Variants in THADA observed in about 807,000 individuals in gnomAD.
The protein encoded by THADA is THADA armadillo repeat containing.
In THADA, 213 loss-of-function variants were observed where a neutral mutation model predicts 219.8. The observed-to-expected ratio is 0.97, with a 90% confidence interval of 0.87 to 1.09. The LOEUF is 1.09. THADA is among the 50% of genes least tolerant of loss of function. The pLI, the probability that THADA is intolerant of heterozygous loss-of-function variation, is 0.00. For synonymous variants in THADA, 1,018 were observed against 828.9 expected (o/e 1.23, Z -3.92); for missense variants, 2,956 against 2,311.3 (o/e 1.28, Z -5.72).
chr2:43,386,897 C>CAAAAAAA (rs548365391), intron 29 of THADA, among the ~76,000 whole-genome samples: 41 of 97,240 alleles, frequency 4.2e-4, no homozygotes, highest in Non-Finnish European at 4.6e-4. Flanking sequence ...GATTTCCTCT[C>CAAAAAAA]AAAAAAAAAA....
At chr2:43,276,906 A>AAGTC (rs1314955629) in intron 36 of THADA, among the ~76,000 whole-genome samples, 1 of 151,944 alleles carries the variant, frequency 6.6e-6, no homozygotes, top group Non-Finnish European at 1.5e-5. Context: ...TGAAACTCTG[A>AAGTC]AGTCACCTCA....
intron 26 of THADA, among the ~76,000 whole-genome samples, chr2:43,480,803 G>A (rs1021538665): frequency 2.7e-5 from 4 of 149,782 alleles, no homozygotes; most frequent in African/African-American, 7.4e-5. Flanking sequence ...AGGCAACAGT[G>A]CGAGACTCTG....
At position 43,530,090 on chromosome 2, in the gene THADA, G is replaced by C. The variant is rs1693672708; in HGVS notation, c.3265-2102C>G. The stretch of plus-strand genomic sequence containing the variant: ...AAAGATATAATAAGTGATACACATG[G>C]AGAAACAAGAATCAGATAGGAGACT... On this transcript the variant is annotated intron_variant, in intron 21 of 37. Coordinates refer to ENST00000405975, the MANE Select transcript of THADA (RefSeq NM_022065.5). 1.3e-5 allele frequency among the ~76,000 whole-genome samples: 2 copies of C among 152,024 alleles called. 1 individual carries two copies. The highest frequency in any genetic ancestry group is 4.1e-4 in the South Asian group (2 of 4,820).
chr2:43,296,182 T>C (rs985838789), intron 31 of THADA, among the ~76,000 whole-genome samples: 6 of 151,974 alleles, frequency 3.9e-5, no homozygotes, highest in Non-Finnish European at 8.8e-5. Flanking sequence ...CCTCCCAAAG[T>C]GCTGGGATTA....
chr2:43,427,025 G>A lies in THADA; in HGVS notation c.4058+1075C>T, dbSNP rs376215130. Among the ~76,000 whole-genome samples, 18 of 152,176 alleles carry A rather than the reference G, an allele frequency of 1.2e-4. No homozygotes were observed. In the South Asian group the frequency reaches 2.1e-3, roughly 18 times the overall value. ...CCTGAAAAGATGTAACACAAGAAGT[G>A]GTAATAGGCTCTAAAAGAAGAGAAC... On this transcript the variant is annotated intron_variant, in intron 28 of 37. Transcript: ENST00000405975.
rs145341352 is a variant in THADA, at chr2:43,465,463, A to G, written c.3836+19771T>C. Among the ~76,000 whole-genome samples the G allele has an allele frequency of 5.3e-3, 805 of 152,302 alleles. 6 individuals carry two copies. The highest frequency in any genetic ancestry group is 0.018 in the African/African-American group (755 of 41,560). ...GCGTGGGTTAAGTGCCTCCTTCTAC[A>G]ACTACCCAGATTCTTGGGAGGAAGA... On this transcript the variant is annotated intron_variant, in intron 26 of 37. Coordinates refer to ENST00000405975, the MANE Select transcript of THADA (RefSeq NM_022065.5).
At chr2:43,491,793 A>T (rs1159946350) in intron 25 of THADA, among the ~76,000 whole-genome samples, 1 of 152,192 alleles carries the variant, frequency 6.6e-6, no homozygotes, top group African/African-American at 2.4e-5. Flanking sequence ...TCCTGTCATT[A>T]AGTAATGCAT....
At chr2:43,486,287 C>A (rs1686911331) in intron 25 of THADA, 1 of 152,164 alleles carries the variant, frequency 6.6e-6, no homozygotes, top group East Asian at 1.9e-4. Context: ...CAAATTATTT[C>A]TCCAAGATGA....
intron 36 of THADA, among the ~76,000 whole-genome samples, chr2:43,244,120 G>C (rs1053617604): frequency 2.0e-5 from 3 of 151,820 alleles, no homozygotes; most frequent in African/African-American, 7.3e-5. Flanking sequence ...CAAAACACTG[G>C]GTAAATAAAA....
intron 36 of THADA, among the ~76,000 whole-genome samples, chr2:43,265,398 G>C (rs774158258): frequency 6.6e-6 from 1 of 152,250 alleles, no homozygotes; most frequent in Non-Finnish European, 1.5e-5. Context: ...AGAGAGGTTA[G>C]AGAAATAATA....
chr2:43,334,483 T>C (rs1218375286), intron 30 of THADA, among the ~76,000 whole-genome samples: 2 of 152,152 alleles, frequency 1.3e-5, no homozygotes, highest in East Asian at 1.9e-4. Flanking sequence ...ATGCAAAAAA[T>C]TTATTCCCAA....
chr2:43,405,699 T>C (rs1675449575), intron 28 of THADA, among the ~76,000 whole-genome samples: 1 of 152,206 alleles, frequency 6.6e-6, no homozygotes, highest in Non-Finnish European at 1.5e-5. Flanking sequence ...TTTTTAAAAA[T>C]CCTTGGTTTG....
At chr2:43,495,083 G>A (rs938053818) in intron 25 of THADA, among the ~76,000 whole-genome samples, 12 of 152,094 alleles carry the variant, frequency 7.9e-5, no homozygotes, top group African/African-American at 2.2e-4. Flanking sequence ...AAATCAAACC[G>A]TATTTCGTAT....
At chr2:43,466,964 C>G (rs946573776) in intron 26 of THADA, among the ~76,000 whole-genome samples, 2 of 151,696 alleles carry the variant, frequency 1.3e-5, no homozygotes, top group Non-Finnish European at 2.9e-5. Flanking sequence ...GGGCGGATCA[C>G]GAGGTCAGGA....
chr2:43,457,222 G>T (rs541103903), intron 26 of THADA, among the ~76,000 whole-genome samples: 12 of 149,810 alleles, frequency 8.0e-5, no homozygotes, highest in Non-Finnish European at 1.0e-4. Context: ...GATGAAAATG[G>T]CGGTATACAC....
intron 28 of THADA, among the ~76,000 whole-genome samples, chr2:43,423,763 G>A (rs556099045): frequency 9.9e-4 from 150 of 152,174 alleles, no homozygotes; most frequent in African/African-American, 3.3e-3. Flanking sequence ...GGCATATGTG[G>A]TTACCTAGAG....
At chr2:43,468,762 G>A (rs1008852324) in intron 26 of THADA, among the ~76,000 whole-genome samples, 15 of 152,106 alleles carry the variant, frequency 9.9e-5, no homozygotes, top group African/African-American at 3.4e-4. Context: ...CAGAATCTGG[G>A]GCACATCAGG....
Position 43,560,324 on chromosome 2 carries a change from T to A in THADA, c.2373A>T (p.Leu791=). ...CAAAAGTGCTGGTAAAACATTCCAT[T>A]AGTGTTTGGAAACGACCAACATCAA... The part of the protein sequence containing the change: ...HDIDVGRFQT[L]MECFTSTFED... Residue 791 remains leucine (L), a synonymous_variant, in exon 16 of 38, where the codon CTA becomes CTT. Coordinates refer to ENST00000405975, the MANE Select transcript of THADA (RefSeq NM_022065.5). 6.2e-7 allele frequency: 1 copy of A among 1,612,538 alleles called. No individual in the cohort carries two copies. The highest frequency in any genetic ancestry group is 8.5e-7 in the Non-Finnish European group (1 of 1,179,112).
intron 26 of THADA, among the ~76,000 whole-genome samples, chr2:43,477,484 G>C (rs1273958126): frequency 6.6e-6 from 1 of 152,132 alleles, no homozygotes; most frequent in African/African-American, 2.4e-5. Flanking sequence ...TTAAAACATA[G>C]GACATATATT....
Sources: allele counts gnomAD v4.1 joint callset (sites outside exome capture counted in the v4.1 genomes callset), GRCh38; gene constraint gnomAD v4.1.1; transcripts MANE v1.5; gene names NCBI Gene and HGNC (gene_info 2026-07-23, HGNC 2026-07-21).